STOML3: variants seen among roughly 807,000 people sequenced by gnomAD.
STOML3 encodes stomatin-like protein 3.
STOML3 carries 31 observed loss-of-function variants against 29.5 expected under a neutral mutation model. The ratio of observed to expected loss-of-function variants is 1.05; its 90% CI spans 0.79 to 1.42. The LOEUF (loss-of-function observed/expected upper bound fraction) is 1.42. Ranked by LOEUF, STOML3 falls within the 40% of genes most tolerant of loss-of-function variation. The pLI, the probability that STOML3 is intolerant of heterozygous loss-of-function variation, is 0.00. For synonymous variants in STOML3, 122 were observed against 139.8 expected (o/e 0.87, Z 0.90); for missense variants, 380 against 363.0 (o/e 1.05, Z -0.38).
intron 1 of STOML3, among the ~76,000 whole-genome samples, chr13:38,988,875 A>C (rs1868864270): frequency 7.0e-6 from 1 of 142,978 alleles, no homozygotes; most frequent in African/African-American, 2.6e-5. Context: ...ATTATATAAT[A>C]TATATTATTA....
At chr13:38,978,196 C>T in intron 1 of STOML3, among the ~76,000 whole-genome samples, 1 of 152,020 alleles carries the variant, frequency 6.6e-6, no homozygotes, top group East Asian at 1.9e-4. Flanking sequence ...TTCTGTCGCC[C>T]AGGCTGGAGT....
chr13:38,980,016 C>G (rs1280446949), intron 1 of STOML3: 12 of 1,542,068 alleles, frequency 7.8e-6, no homozygotes, highest in Non-Finnish European at 1.1e-5. Flanking sequence ...ACCAGCTGCA[C>G]AAGCAAGTGT....
At chr13:38,978,605 G>A (rs1376049007) in intron 1 of STOML3, among the ~76,000 whole-genome samples, 4 of 152,124 alleles carry the variant, frequency 2.6e-5, no homozygotes, top group East Asian at 1.9e-4. Context: ...CCCTACAAAC[G>A]CCATATACTG....
At chr13:38,988,444 T>A (rs376693416) in intron 1 of STOML3, among the ~76,000 whole-genome samples, 2 of 48,598 alleles carry the variant, frequency 4.1e-5, no homozygotes, top group Non-Finnish European at 7.4e-5. Flanking sequence ...ATAAAATATA[T>A]TATATTTTAT....
chr13:38,981,327 C>G (rs746211891), intron 1 of STOML3, among the ~76,000 whole-genome samples: 8 of 152,118 alleles, frequency 5.3e-5, no homozygotes, highest in Non-Finnish European at 1.0e-4. Context: ...TGCTTAGATA[C>G]AGCTGTTTAC....
chr13:38,968,433 G>T lies in STOML3; in HGVS notation c.618C>A (p.Ala206=). 6.2e-7 allele frequency: 1 copy of T among 1,613,964 alleles called. No homozygotes were observed. The highest frequency in any genetic ancestry group is 8.5e-7 in the Non-Finnish European group (1 of 1,180,002). ...TCGCTTCCCGGGTGGCCTCAGCCTC[G>T]GCTGCCATGGATCTCTGCAACTGCA... ...IPVQLQRSMA[A]EAEATREARA... Residue 206 remains alanine, a synonymous_variant, in exon 6 of 7, where the codon GCC becomes GCA. Transcript: ENST00000379631.
intron 5 of STOML3, 123 bp downstream of exon 5, chr13:38,970,062 G>T: frequency 1.3e-6 from 1 of 795,576 alleles, no homozygotes; most frequent in South Asian, 1.8e-5. Flanking sequence ...GCAGTTGTCT[G>T]TGTGTGAGTG....
chr13:38,968,581 T>C (rs774549438), intron 5 of STOML3, 47 bp from the exon 6 acceptor site: 9 of 1,604,980 alleles, frequency 5.6e-6, no homozygotes. Flanking sequence ...ACAGGTGATA[T>C]GATGTATGTT....
intron 1 of STOML3, among the ~76,000 whole-genome samples, chr13:38,979,676 C>A (rs1476670819): frequency 6.6e-6 from 1 of 152,158 alleles, no homozygotes; most frequent in Non-Finnish European, 1.5e-5. Context: ...AGTTTACTTA[C>A]CATTCTCCTA....
intron 1 of STOML3, among the ~76,000 whole-genome samples, chr13:38,982,773 A>C (rs146439983): frequency 1.2e-4 from 18 of 152,300 alleles, no homozygotes; most frequent in Non-Finnish European, 2.2e-4. Flanking sequence ...GGAAATTCCT[A>C]GTGAGCTCCA....
intron 1 of STOML3, among the ~76,000 whole-genome samples, chr13:38,980,774 T>C (rs1024858286): frequency 6.6e-6 from 1 of 152,208 alleles, no homozygotes; most frequent in African/African-American, 2.4e-5. Flanking sequence ...CCAAACGCTG[T>C]GCTGGAGAAT....
At chr13:38,975,415 A>G (rs540309267) in intron 3 of STOML3, among the ~76,000 whole-genome samples, 13 of 152,146 alleles carry the variant, frequency 8.5e-5, no homozygotes, top group Non-Finnish European at 1.8e-4. Context: ...TTTTTTATAT[A>G]TTAACAGATC....
At chr13:38,972,225 T>C (rs541323003) in intron 4 of STOML3, among the ~76,000 whole-genome samples, 1 of 152,202 alleles carries the variant, frequency 6.6e-6, no homozygotes, top group Non-Finnish European at 1.5e-5. Flanking sequence ...TCATTCTCCA[T>C]CCCAGCTTCC....
At chr13:38,979,219 G>A (rs1881191884) in intron 1 of STOML3, among the ~76,000 whole-genome samples, 2 of 152,110 alleles carry the variant, frequency 1.3e-5, no homozygotes. Flanking sequence ...GACCCACATG[G>A]AGGTGAATCA....
chr13:38,976,598 A>G lies in STOML3; in HGVS notation c.171T>C (p.Tyr57=), dbSNP rs1163611038. 3 of 1,614,054 alleles carry G rather than the reference A, an allele frequency of 1.9e-6. No homozygotes were observed. The highest frequency in any genetic ancestry group is 1.7e-6 in the Non-Finnish European group (2 of 1,180,038). The change falls in exon 3 of 7, where the codon TAT becomes TAC. Residue 57 remains tyrosine, a synonymous_variant. Coordinates refer to ENST00000379631, the MANE Select transcript of STOML3 (RefSeq NM_145286.3). ...IWMCLKIIKE[Y]ERAVVFRLGR... ...CCAGACGGAATACAACAGCACGTTCATACTCCTTAATGATCTAGGAGATTA... is the reference window on the plus strand; with the variant it reads ...CCAGACGGAATACAACAGCACGTTCGTACTCCTTAATGATCTAGGAGATTA...
chr13:38,980,970 T>C (rs1466219695), intron 1 of STOML3, among the ~76,000 whole-genome samples: 1 of 152,134 alleles, frequency 6.6e-6, no homozygotes, highest in Non-Finnish European at 1.5e-5. Context: ...TGTGTGGCTG[T>C]GACAACAGCA....
intron 1 of STOML3, among the ~76,000 whole-genome samples, chr13:38,983,743 C>A (rs1487622383): frequency 2.0e-5 from 3 of 152,148 alleles, no homozygotes; most frequent in African/African-American, 7.2e-5. Context: ...GGTTTCCAAA[C>A]AGGCAGATTT....
intron 6 of STOML3, among the ~76,000 whole-genome samples, chr13:38,967,777 T>C (rs967972956): frequency 6.6e-6 from 1 of 152,146 alleles, no homozygotes; most frequent in Non-Finnish European, 1.5e-5. Flanking sequence ...CCAAAGAGGA[T>C]ACACAAAGGC....
At chr13:38,983,207 C>A (rs948520852) in intron 1 of STOML3, among the ~76,000 whole-genome samples, 2 of 152,190 alleles carry the variant, frequency 1.3e-5, no homozygotes, top group African/African-American at 4.8e-5. Context: ...ACAAAATACA[C>A]TAGATGGCTT....
Sources: allele counts gnomAD v4.1 joint callset (sites outside exome capture counted in the v4.1 genomes callset), GRCh38; gene constraint gnomAD v4.1.1; transcripts MANE v1.5; gene names NCBI Gene and HGNC (gene_info 2026-07-23, HGNC 2026-07-21).